The following CEP76 variants were observed in gnomAD, a reference collection of about 807,000 sequenced individuals.
The protein encoded by CEP76 is centrosomal protein 76.
A neutral mutation model predicts 83.3 loss-of-function variants in CEP76; 55 were observed. The observed-to-expected ratio is 0.66, with a 90% CI of 0.53 to 0.83. CEP76 has a LOEUF of 0.83. Ranked by LOEUF, CEP76 falls within the 40% of genes least tolerant of loss-of-function variation. The probability of loss-of-function intolerance (pLI) is 0.00; values close to 1 mark genes in which losing one functional copy is unlikely to be tolerated. For missense variants in CEP76, 694 were observed against 799.5 expected (o/e 0.87, Z 1.59); for synonymous variants, 270 against 274.5 (o/e 0.98, Z 0.16).
intron 12 of CEP76, among the ~76,000 whole-genome samples, chr18:12,662,896 C>T (rs905077208): frequency 6.6e-6 from 1 of 152,138 alleles, no homozygotes; most frequent in Non-Finnish European, 1.5e-5. Context: ...GCAATAATCA[C>T]GTTTCACCTA....
chr18:12,686,083 A>T, intron 8 of CEP76, 179 bp downstream of exon 8: 1 of 488,786 alleles, frequency 2.0e-6, no homozygotes, highest in Non-Finnish European at 3.6e-6. Flanking sequence ...TATTATTGTA[A>T]TTTTTTACTT....
At chr18:12,695,131 A>T in intron 6 of CEP76, 123 bp downstream of exon 6, 1 of 459,968 alleles carries the variant, frequency 2.2e-6, no homozygotes, top group Middle Eastern at 5.9e-4. Flanking sequence ...TGAACCTTTG[A>T]GTGCTAATCT....
At chr18:12,671,583 A>AACACTTT (rs1193717221), downstream of CEP76, among the ~76,000 whole-genome samples, 1 of 146,384 alleles carries the variant, frequency 6.8e-6, no homozygotes, top group Non-Finnish European at 1.5e-5. Flanking sequence ...TTGTTCACTT[A>AACACTTT]ACACTTTTTT....
Position 12,699,111 on chromosome 18 carries a change from C to T in CEP76, c.388G>A (p.Gly130Arg), listed in dbSNP as rs1473858912. The change falls in exon 4 of 12, where the codon GGA (glycine) becomes AGA (arginine). Residue 130 changes from glycine to arginine, a missense_variant. Gly to Arg is a moderately radical substitution (Grantham distance 125). Coordinates refer to ENST00000262127, the MANE Select transcript of CEP76 (RefSeq NM_024899.4). ...EHLQEPEPLP[G>R]QVCSTFTLCL... Reference sequence around the variant, plus strand: ...AAAGTAAACGTTGAACAAACTTGTCCAGGTAAAGGCTCAGGTTCTTGCAGA... The same window carrying T: ...AAAGTAAACGTTGAACAAACTTGTCTAGGTAAAGGCTCAGGTTCTTGCAGA... The T allele has an allele frequency of 6.2e-7, 1 of 1,613,940 alleles. No individual in the cohort carries two copies. The highest frequency in any genetic ancestry group is 8.5e-7 in the Non-Finnish European group (1 of 1,180,006).
At chr18:12,688,087 CA>C (rs200845983) in intron 7 of CEP76, among the ~76,000 whole-genome samples, 1 of 151,090 alleles carries the variant, frequency 6.6e-6, no homozygotes, top group Non-Finnish European at 1.5e-5. Flanking sequence ...ACTAAAAATA[CA>C]AAAAAAATTA....
intron 8 of CEP76, among the ~76,000 whole-genome samples, chr18:12,681,474 T>C (rs2039348172): frequency 6.6e-6 from 1 of 152,032 alleles, no homozygotes; most frequent in Non-Finnish European, 1.5e-5. Context: ...GCTCTTGAAC[T>C]CCTGGGCTCA....
chr18:12,687,628 T>C (rs1274557345), intron 7 of CEP76, among the ~76,000 whole-genome samples: 1 of 151,690 alleles, frequency 6.6e-6, no homozygotes, highest in Non-Finnish European at 1.5e-5. Flanking sequence ...AATTTTTGTA[T>C]TTTTGTAGAG....
In CEP76 at chr18:12,686,252, T is replaced by C. The variant is rs202206340; in HGVS notation, c.1122+10A>G. 4 of 1,597,990 alleles carry C rather than the reference T, an allele frequency of 2.5e-6. No individual in the cohort carries two copies. The highest frequency in any genetic ancestry group is 3.4e-6 in the Non-Finnish European group (4 of 1,168,234). On this transcript the variant is annotated intron_variant, in intron 8 of 11. Transcript: ENST00000262127. The stretch of plus-strand genomic sequence containing the variant: ...TACTGCTACTTAATTCTATTATGTG[T>C]GTATAATACCTTGTTTCTACAGAGA...
intron 10 of CEP76, among the ~76,000 whole-genome samples, chr18:12,675,551 AC>A (rs1425100606): frequency 1.3e-5 from 2 of 152,224 alleles, no homozygotes; most frequent in Non-Finnish European, 2.9e-5. Flanking sequence ...CTGAACATGT[AC>A]TCTATAAAAC....
chr18:12,692,707 A>C (rs1463319010), intron 6 of CEP76, among the ~76,000 whole-genome samples: 2 of 152,186 alleles, frequency 1.3e-5, no homozygotes, highest in Non-Finnish European at 2.9e-5. Flanking sequence ...CTAGAATCTA[A>C]ACTCCTTGAG....
chr18:12,688,186 G>A (rs1394720610), intron 7 of CEP76, among the ~76,000 whole-genome samples: 3 of 147,134 alleles, frequency 2.0e-5, no homozygotes, highest in Admixed American at 6.9e-5. Flanking sequence ...AGCCGAGATC[G>A]TGCCACTGCA....
intron 5 of CEP76, among the ~76,000 whole-genome samples, chr18:12,695,593 TAGA>T (rs1371316479): frequency 6.6e-6 from 1 of 152,062 alleles, no homozygotes; most frequent in Non-Finnish European, 1.5e-5. Context: ...CTTCTTTAAG[TAGA>T]GATGGGGTCT....
downstream of CEP76, among the ~76,000 whole-genome samples, chr18:12,669,758 TG>T (rs1385748335): frequency 6.6e-6 from 1 of 151,924 alleles, no homozygotes; most frequent in Non-Finnish European, 1.5e-5. Context: ...CCCAGCACTT[TG>T]GGAGGCCAAG....
chr18:12,693,331 G>A (rs997422318), intron 6 of CEP76, among the ~76,000 whole-genome samples: 4 of 152,054 alleles, frequency 2.6e-5, no homozygotes, highest in Non-Finnish European at 5.9e-5. Flanking sequence ...GGCTGAGGCA[G>A]GTGGATTGCT....
At chr18:12,668,068 C>T (rs919236242), downstream of CEP76, among the ~76,000 whole-genome samples, 1 of 151,958 alleles carries the variant, frequency 6.6e-6, no homozygotes, top group Non-Finnish European at 1.5e-5. Context: ...AGTTTGAAAC[C>T]AGCCTGGCCA....
At position 12,673,479 on chromosome 18, in the gene CEP76, GATT is replaced by G; in HGVS notation, c.1863_1865del (p.Ile622del). The G allele has an allele frequency of 6.3e-7, 1 of 1,580,700 alleles. No homozygotes were observed. ...GTCGCACTTGGTCTCCACGGCAACA[GATT>G]ATTTCTTCACAGAAAGGAGATCTAT... On this transcript the variant is annotated inframe_deletion, in exon 12 of 12. Coordinates refer to ENST00000262127, the MANE Select transcript of CEP76 (RefSeq NM_024899.4).
intron 7 of CEP76, among the ~76,000 whole-genome samples, chr18:12,690,947 C>A (rs537655284): frequency 2.3e-4 from 35 of 151,370 alleles, no homozygotes; most frequent in Non-Finnish European, 4.4e-4. Flanking sequence ...GAGCCCCCCC[C>A]CGTTCTGCAC....
intron 10 of CEP76, among the ~76,000 whole-genome samples, chr18:12,675,321 G>A (rs1032190571): frequency 3.9e-5 from 6 of 152,002 alleles, no homozygotes; most frequent in African/African-American, 1.2e-4. Context: ...GTATGAATCC[G>A]GGAGGCAGAG....
chr18:12,680,807 T>G lies in CEP76; in HGVS notation c.1144A>C (p.Asn382His). The stretch of plus-strand genomic sequence containing the variant: ...CCAAGAAGAAGGCTGCACAGAAGGT[T>G]AGCGTGATCTTCACAGTCACCCTGG... ...RNKGDCEDHA[N>H]LLCSLLLGYG... The change falls in exon 9 of 12, where the codon AAC becomes CAC. Residue 382 changes from asparagine to histidine, a missense_variant. Physicochemically the swap from Asn to His is moderately conservative, Grantham distance 68. Transcript: ENST00000262127. 1 of 1,610,662 alleles carries G rather than the reference T, an allele frequency of 6.2e-7. No homozygotes were observed. The highest frequency in any genetic ancestry group is 8.5e-7 in the Non-Finnish European group (1 of 1,178,988).
Sources: gnomAD v4.1 joint callset for allele counts (sites outside exome capture counted in the v4.1 genomes callset) on GRCh38, gnomAD v4.1.1 for gene constraint, MANE v1.5 for transcripts, NCBI Gene and HGNC (gene_info 2026-07-23, HGNC 2026-07-21) for gene names.